Variants in TSNARE1 observed in about 807,000 individuals in gnomAD.
The protein encoded by TSNARE1 is t-SNARE domain-containing protein 1.
TSNARE1 carries 49 observed loss-of-function variants against 62.0 expected under a neutral mutation model. The ratio of observed to expected loss-of-function variants is 0.79; its 90% confidence interval spans 0.63 to 1.00. TSNARE1 has a LOEUF of 1.00. TSNARE1 is among the 50% of genes least tolerant of loss of function. The pLI, the probability that TSNARE1 is intolerant of heterozygous loss-of-function variation, is 0.00. For synonymous variants in TSNARE1, 328 were observed against 294.4 expected (o/e 1.11, Z -1.17); for missense variants, 755 against 700.1 (o/e 1.08, Z -0.88).
chr8:142,334,056 A>C lies in TSNARE1; in HGVS notation c.746-2225T>G, dbSNP rs141581423. 3.3e-5 allele frequency among the ~76,000 whole-genome samples: 5 copies of C among 152,348 alleles called. No homozygotes were observed. The East Asian group carries it at 9.6e-4, about 29-fold the overall frequency. Reference sequence around the variant, plus strand: ...CCTAAAGGTTTATCTGTACATCTTGAGCTATGACAACAGGGAGTGTAAATG... The same window carrying C: ...CCTAAAGGTTTATCTGTACATCTTGCGCTATGACAACAGGGAGTGTAAATG... On this transcript the variant is annotated intron_variant, in intron 4 of 13. Transcript: ENST00000524325.
intron 7 of TSNARE1, among the ~76,000 whole-genome samples, chr8:142,317,713 T>TTTGGGAGGCAGAGGTGGGAGGATCAC (rs1241444227): frequency 2.0e-5 from 3 of 152,154 alleles, no homozygotes; most frequent in African/African-American, 7.2e-5. Context: ...ATCCCAGCAC[T>TTTGGGAGGCAGAGGTGGGAGGATCAC]TTGGGAGGCA....
At chr8:142,289,702 C>A (rs1018639893) in intron 10 of TSNARE1, among the ~76,000 whole-genome samples, 1 of 152,236 alleles carries the variant, frequency 6.6e-6, no homozygotes, top group African/African-American at 2.4e-5. Flanking sequence ...CTGAAGGGAG[C>A]AGGGAGCCTG....
chr8:142,316,537 AC>A (rs1828549905), intron 7 of TSNARE1, among the ~76,000 whole-genome samples: 1 of 151,718 alleles, frequency 6.6e-6, no homozygotes, highest in East Asian at 2.0e-4. Context: ...GATAAAATCT[AC>A]CCGCTTTAAG....
chr8:142,270,661 T>C (rs1343506476), intron 12 of TSNARE1: 5 of 985,226 alleles, frequency 5.1e-6, no homozygotes, highest in Admixed American at 6.2e-5. Context: ...CAGATCACGC[T>C]TGGGACCTTT....
intron 10 of TSNARE1, among the ~76,000 whole-genome samples, chr8:142,295,982 G>T (rs866746906): frequency 1.5e-5 from 2 of 134,792 alleles, no homozygotes; most frequent in Non-Finnish European, 3.2e-5. Context: ...GGGATGGGCC[G>T]GCCACTGTCA....
chr8:142,367,954 T>C (rs577772827), intron 1 of TSNARE1, among the ~76,000 whole-genome samples: 52 of 152,114 alleles, frequency 3.4e-4, no homozygotes, highest in African/African-American at 1.1e-3. Flanking sequence ...TGGCTATCAA[T>C]ACAAAAAAGA....
intron 12 of TSNARE1, chr8:142,270,150 G>A (rs1170367703): frequency 1.6e-5 from 16 of 985,312 alleles, no homozygotes; most frequent in Non-Finnish European, 1.8e-5. Flanking sequence ...CGCTCCCGAC[G>A]GCTGCCTAGG....
At chr8:142,272,687 G>A (rs1819793192) in intron 12 of TSNARE1, 1 of 929,508 alleles carries the variant, frequency 1.1e-6, no homozygotes, top group African/African-American at 2.7e-5. Flanking sequence ...CTATGCAGAG[G>A]CGACTTCACA....
intron 13 of TSNARE1, among the ~76,000 whole-genome samples, chr8:142,225,398 A>G (rs1003288358): frequency 6.7e-6 from 1 of 148,532 alleles, no homozygotes; most frequent in African/African-American, 2.5e-5. Flanking sequence ...TGGCTCAGCC[A>G]CCTCCCCTGC....
chr8:142,260,681 C>G (rs771239929), intron 12 of TSNARE1, among the ~76,000 whole-genome samples: 35 of 151,958 alleles, frequency 2.3e-4, no homozygotes, highest in Non-Finnish European at 4.4e-4. Flanking sequence ...CTGAGTCCCC[C>G]GGGAAAGATC....
chr8:142,389,676 CCACAT>C (rs1485160881), intron 1 of TSNARE1, among the ~76,000 whole-genome samples: 5 of 151,994 alleles, frequency 3.3e-5, no homozygotes, highest in Non-Finnish European at 5.9e-5. Context: ...CAAAAGATCT[CCACAT>C]CACTTACCAT....
chr8:142,304,837 G>A (rs1001260697), intron 9 of TSNARE1, among the ~76,000 whole-genome samples: 1 of 152,182 alleles, frequency 6.6e-6, no homozygotes, highest in African/African-American at 2.4e-5. Context: ...TCCCAGGGGG[G>A]ACATGGCCAT....
At chr8:142,302,157 G>A (rs1825889442) in intron 9 of TSNARE1, among the ~76,000 whole-genome samples, 1 of 152,088 alleles carries the variant, frequency 6.6e-6, no homozygotes, top group African/African-American at 2.4e-5. Context: ...AGCAAACCTG[G>A]CCAGGCTGCT....
chr8:142,365,596 G>GCACA (rs1341750042), intron 1 of TSNARE1, among the ~76,000 whole-genome samples: 2 of 113,264 alleles, frequency 1.8e-5, no homozygotes, highest in East Asian at 2.7e-4. Context: ...ATAAACACAT[G>GCACA]CACACGCACA....
rs1279499047 is a variant in TSNARE1, at chr8:142,319,826, G to T, written c.894-1192C>A. Among the ~76,000 whole-genome samples the T allele has an allele frequency of 6.6e-6, 1 of 152,178 alleles. No individual in the cohort carries two copies. The highest frequency in any genetic ancestry group is 1.5e-5 in the Non-Finnish European group (1 of 68,012). On this transcript the variant is annotated intron_variant, in intron 6 of 13. Transcript: ENST00000524325. The surrounding 1 kb of genome is among the most constrained non-coding windows in gnomAD (Gnocchi z 4.9). The stretch of plus-strand genomic sequence containing the variant: ...ACAGGCACCCAGCAGGCTAGAGAGG[G>T]TGTGGGCCAAGGAGGGCAAGGAGCC...
At chr8:142,367,230 A>G (rs1835613475) in intron 1 of TSNARE1, among the ~76,000 whole-genome samples, 1 of 152,220 alleles carries the variant, frequency 6.6e-6, no homozygotes, top group African/African-American at 2.4e-5. Flanking sequence ...ATGGAGCTGG[A>G]CAAGTTGGCA....
At chr8:142,253,054 G>A (rs1818251262) in intron 12 of TSNARE1, among the ~76,000 whole-genome samples, 1 of 152,240 alleles carries the variant, frequency 6.6e-6, no homozygotes, top group African/African-American at 2.4e-5. Flanking sequence ...GCATCTGCCT[G>A]TTCACAGACT....
At chr8:142,265,531 TG>T in intron 12 of TSNARE1, among the ~76,000 whole-genome samples, 1 of 152,218 alleles carries the variant, frequency 6.6e-6, no homozygotes, top group Non-Finnish European at 1.5e-5. Flanking sequence ...TTTGGGGCCA[TG>T]GCAGATAAAG....
intron 9 of TSNARE1, among the ~76,000 whole-genome samples, chr8:142,312,685 G>A (rs993803280): frequency 5.3e-5 from 8 of 152,160 alleles, no homozygotes; most frequent in South Asian, 4.1e-4. Context: ...ACACACCAGC[G>A]AATATGGATC....
Sources: gnomAD v4.1 joint callset for allele counts (sites outside exome capture counted in the v4.1 genomes callset) on GRCh38, gnomAD v4.1.1 for gene constraint, Gnocchi (gnomAD v3.1) non-coding constraint, MANE v1.5 for transcripts, NCBI Gene and HGNC (gene_info 2026-07-23, HGNC 2026-07-21) for gene names.